The following PEX3 variants were observed in gnomAD, a reference collection of about 807,000 sequenced individuals.
PEX3 encodes peroxisomal biogenesis factor 3, also known as peroxin-3.
Under a neutral mutation model 55.8 loss-of-function variants are expected in PEX3, and 30 were observed. The ratio of observed to expected loss-of-function variants is 0.54; its 90% confidence interval spans 0.40 to 0.73. The LOEUF is 0.73. Ranked by LOEUF, PEX3 falls within the 30% of genes least tolerant of loss-of-function variation. The pLI is 0.00. For synonymous variants in PEX3, 135 were observed against 148.4 expected, an observed-to-expected ratio of 0.91 and a Z score of 0.66; for missense variants, 351 against 432.8, an observed-to-expected ratio of 0.81 and a Z score of 1.68.
chr6:143,457,727 A>G lies in PEX3; in HGVS notation c.74-1358A>G, dbSNP rs754048717. 9.2e-5 allele frequency among the ~76,000 whole-genome samples: 14 copies of G among 152,198 alleles called. 1 individual carries two copies. Among genetic ancestry groups the G allele is most frequent in the African/African-American group, 1.2e-4 (5 of 41,462 alleles). On this transcript the variant is annotated intron_variant, in intron 1 of 11. Transcript: ENST00000367591. The stretch of plus-strand genomic sequence containing the variant: ...GAAACCAAGTTCTGGCACACTTAAA[A>G]ACATCTACTGGCAAACAGAGATTAA...
Position 143,450,972 on chromosome 6 carries a change from G to T in PEX3, c.-71G>T, listed in dbSNP as rs907934388. ...GCTCTTGCTGGGTCATCTGGGCCAG[G>T]TGACGAAGAAACAGTTTCCTGGTGA... On this transcript the variant is annotated 5_prime_UTR_variant, in exon 1 of 12. Transcript: ENST00000367591. 1 of 1,140,966 alleles carries T rather than the reference G, an allele frequency of 8.8e-7. No homozygotes were observed. Among genetic ancestry groups the T allele is most frequent in the African/African-American group, 1.5e-5 (1 of 66,044 alleles). The allele number at this position is 1,140,966 out of a possible 1,614,324, so 70.7% of individuals were successfully genotyped here.
intron 8 of PEX3, 27 bp downstream of exon 8, chr6:143,472,355 A>AG: frequency 2.0e-6 from 3 of 1,515,596 alleles, no homozygotes; most frequent in Non-Finnish European, 2.7e-6. Context: ...CATTTAACCA[A>AG]ACCAGTTACT....
rs1214172993 is a variant in PEX3, at chr6:143,490,427, G to C, written c.*1201G>C. The C allele has an allele frequency of 5.2e-6, 1 of 191,884 alleles. No homozygotes were observed. Among genetic ancestry groups the C allele is most frequent in the Non-Finnish European group, 1.1e-5 (1 of 94,770 alleles). The allele number at this position is 191,884 out of a possible 1,614,324, so 11.9% of individuals were successfully genotyped here. On this transcript the variant is annotated 3_prime_UTR_variant, in exon 12 of 12. Coordinates refer to ENST00000367591, the MANE Select transcript of PEX3 (RefSeq NM_003630.3). This position sits in a 1 kb window ranked among gnomAD's most constrained non-coding sequence, Gnocchi z 6.0. ...TGAAGCTCACTGCCAGGGAGTTTGT[G>C]TCTAGAATGTTTTTAAAAATAGGTA...
chr6:143,471,158 TAACA>T lies in PEX3; in HGVS notation c.456+75_456+78del. ...TCAAAGTTTAACTTATTTATCCTGA[TAACA>T]ATTTCTATGAAATAAATATTTTTAT... On this transcript the variant is annotated intron_variant, in intron 5 of 11. Coordinates refer to ENST00000367591, the MANE Select transcript of PEX3 (RefSeq NM_003630.3). The surrounding 1 kb of genome is among the most constrained non-coding windows in gnomAD (Gnocchi z 5.4). 1 of 1,273,290 alleles carries T rather than the reference TAACA, an allele frequency of 7.9e-7. No homozygotes were observed. Among genetic ancestry groups the T allele is most frequent in the East Asian group, 2.3e-5 (1 of 43,086 alleles). 78.9% of individuals were successfully genotyped at this position (1,273,290 alleles called of 1,614,324 possible). A position where few individuals can be genotyped will look rare whatever the true frequency, so the allele number is the denominator to read the frequency against.
chr6:143,484,497 G>T (rs180724729), intron 10 of PEX3, among the ~76,000 whole-genome samples: 167 of 152,230 alleles, frequency 1.1e-3, no homozygotes, highest in Non-Finnish European at 2.2e-3. Context: ...CATATTTGCT[G>T]CTTCTAGAAC....
chr6:143,470,970 G>A lies in PEX3; in HGVS notation c.341G>A (p.Arg114Lys). ...WEDLKIISFT[R>K]STVAVYSTCM... ...TCTTTTCTCTGTGAAGGTTTCACAAGAAGTACTGTGGCTGTATACAGTACC... is the reference window on the plus strand; with the variant it reads ...TCTTTTCTCTGTGAAGGTTTCACAAAAAGTACTGTGGCTGTATACAGTACC... The change falls in exon 5 of 12, where the codon AGA (arginine) becomes AAA (lysine). Residue 114 changes from arginine (R) to lysine (K), a missense_variant. Arg to Lys is a conservative substitution (Grantham distance 26). Transcript: ENST00000367591. 1 of 1,612,514 alleles carries A rather than the reference G, an allele frequency of 6.2e-7. No individual in the cohort carries two copies. The highest frequency in any genetic ancestry group is 1.1e-5 in the South Asian group (1 of 91,064).
intron 2 of PEX3, among the ~76,000 whole-genome samples, chr6:143,460,466 C>G (rs886460949): frequency 1.3e-5 from 2 of 152,256 alleles, no homozygotes; most frequent in Admixed American, 1.3e-4. Context: ...TAAATGATAA[C>G]TTTTTAAATT....
Position 143,485,042 on chromosome 6 carries a change from A to T in PEX3, c.942-110A>T. On this transcript the variant is annotated intron_variant, in intron 10 of 11. Coordinates refer to ENST00000367591, the MANE Select transcript of PEX3 (RefSeq NM_003630.3). The surrounding 1 kb of genome is among the most constrained non-coding windows in gnomAD (Gnocchi z 5.6). The stretch of plus-strand genomic sequence containing the variant: ...ATTGTGGGGTTTTTTTTCCTTTTTA[A>T]TAGATTTCCAAAAATATTCTACAAT... 2 of 739,876 alleles carry T rather than the reference A, an allele frequency of 2.7e-6. No homozygotes were observed. The highest frequency in any genetic ancestry group is 2.0e-5 in the Admixed American group (1 of 49,658). The allele number at this position is 739,876 out of a possible 1,614,324, so 45.8% of individuals were successfully genotyped here. A position where few individuals can be genotyped will look rare whatever the true frequency, so the allele number is the denominator to read the frequency against.
At chr6:143,461,642 C>T (rs561798490) in intron 2 of PEX3, among the ~76,000 whole-genome samples, 87 of 151,820 alleles carry the variant, frequency 5.7e-4, no homozygotes, top group African/African-American at 2.1e-3. Context: ...AAGAAGTTTT[C>T]CCTTTTAGAA....
Position 143,485,260 on chromosome 6 carries a change from G to A in PEX3, c.1038+12G>A, listed in dbSNP as rs1466413147. 1.3e-5 allele frequency: 19 copies of A among 1,416,974 alleles called. No homozygotes were observed. Among genetic ancestry groups the A allele is most frequent in the Non-Finnish European group, 1.7e-5 (17 of 1,000,392 alleles). 87.8% of individuals were successfully genotyped at this position (1,416,974 alleles called of 1,614,324 possible). ...GTCATTTTGTTCAGGTAAGAAGAAA[G>A]CTTGGGAGTGTTATTAAAAGCAAAT... On this transcript the variant is annotated intron_variant, in intron 11 of 11. Coordinates refer to ENST00000367591, the MANE Select transcript of PEX3 (RefSeq NM_003630.3). The surrounding 1 kb of genome is among the most constrained non-coding windows in gnomAD (Gnocchi z 5.6).
intron 4 of PEX3, among the ~76,000 whole-genome samples, chr6:143,468,809 C>T (rs374031581): frequency 1.9e-4 from 14 of 72,942 alleles, no homozygotes; most frequent in African/African-American, 3.2e-4. Flanking sequence ...TATCCCCCCC[C>T]CCCCCACCCC....
At chr6:143,461,446 G>A (rs972537976) in intron 2 of PEX3, among the ~76,000 whole-genome samples, 26 of 152,130 alleles carry the variant, frequency 1.7e-4, no homozygotes, top group Non-Finnish European at 3.8e-4. Context: ...CAAAATATAG[G>A]TTCAGTGAAA....
In PEX3 at chr6:143,462,372, A is replaced by G. The variant is rs1779930953; in HGVS notation, c.206-544A>G. On this transcript the variant is annotated intron_variant, in intron 2 of 11. Transcript: ENST00000367591. The surrounding 1 kb of genome is among the most constrained non-coding windows in gnomAD (Gnocchi z 4.1). ...ACAGTAACAAATAATACCCACTGAC[A>G]AAACTAAAACTCAGCAACTCTTAGT... Among the ~76,000 whole-genome samples the G allele has an allele frequency of 6.6e-6, 1 of 152,216 alleles. No homozygotes were observed. Among genetic ancestry groups the G allele is most frequent in the South Asian group, 2.1e-4 (1 of 4,832 alleles).
chr6:143,476,870 G>A lies in PEX3; in HGVS notation c.818+2014G>A, dbSNP rs1037458455. On this transcript the variant is annotated intron_variant, in intron 9 of 11. Transcript: ENST00000367591. This position sits in a 1 kb window ranked among gnomAD's most constrained non-coding sequence, Gnocchi z 5.4. Reference sequence around the variant, plus strand: ...TGGGAATAGGAACAGATAGAGACTAGAAGACAACTAAGTCATAGAGCAGTC... The same window carrying A: ...TGGGAATAGGAACAGATAGAGACTAAAAGACAACTAAGTCATAGAGCAGTC... Among the ~76,000 whole-genome samples the A allele has an allele frequency of 2.6e-5, 4 of 152,172 alleles. No individual in the cohort carries two copies. The highest frequency in any genetic ancestry group is 5.9e-5 in the Non-Finnish European group (4 of 68,030).
chr6:143,458,690 A>G lies in PEX3; in HGVS notation c.74-395A>G, dbSNP rs192932486. ...TATCACCTAACAGTATAACATGGAT[A>G]TTTCCTTGAGTCATTATTTAGCAAT... On this transcript the variant is annotated intron_variant, in intron 1 of 11. Coordinates refer to ENST00000367591, the MANE Select transcript of PEX3 (RefSeq NM_003630.3). The surrounding 1 kb of genome is among the most constrained non-coding windows in gnomAD (Gnocchi z 6.1). 3.9e-4 allele frequency among the ~76,000 whole-genome samples: 59 copies of G among 152,292 alleles called. No individual in the cohort carries two copies. Among genetic ancestry groups the G allele is most frequent in the African/African-American group, 1.3e-3 (52 of 41,570 alleles).
intron 4 of PEX3, among the ~76,000 whole-genome samples, chr6:143,470,588 AG>A (rs1384215008): frequency 6.6e-6 from 1 of 152,172 alleles, no homozygotes; most frequent in East Asian, 1.9e-4. Context: ...CTGCCATTGA[AG>A]GCTAGAGTTC....
rs1472621806 is a variant in PEX3 at position 143,459,249 on chromosome 6, G to T, written c.205+33G>T. Reference sequence around the variant, plus strand: ...AGAGAAATATTTATACATGTGTAAAGTTGTTTGACGGTTGTATTAATTTGC... The same window carrying T: ...AGAGAAATATTTATACATGTGTAAATTTGTTTGACGGTTGTATTAATTTGC... On this transcript the variant is annotated intron_variant, in intron 2 of 11. Transcript: ENST00000367591. This position sits in a 1 kb window ranked among gnomAD's most constrained non-coding sequence, Gnocchi z 4.2. 6.3e-7 allele frequency: 1 copy of T among 1,587,302 alleles called. No individual in the cohort carries two copies. Among genetic ancestry groups the T allele is most frequent in the Middle Eastern group, 1.7e-4 (1 of 6,002 alleles).
At chr6:143,469,817 A>G (rs1405558145) in intron 4 of PEX3, among the ~76,000 whole-genome samples, 2 of 152,182 alleles carry the variant, frequency 1.3e-5, no homozygotes, top group African/African-American at 2.4e-5. Context: ...TAGGTCTAAC[A>G]TTTAAGTCTT....
intron 9 of PEX3, 81 bp downstream of exon 9, chr6:143,474,937 A>C: frequency 1.3e-6 from 1 of 789,290 alleles, no homozygotes; most frequent in Non-Finnish European, 2.3e-6. Flanking sequence ...TTCTTGAACA[A>C]CATGGTCGGT....
Sources: allele counts gnomAD v4.1 joint callset (sites outside exome capture counted in the v4.1 genomes callset), GRCh38; gene constraint gnomAD v4.1.1; non-coding constraint Gnocchi (gnomAD v3.1); transcripts MANE v1.5; gene names NCBI Gene and HGNC (gene_info 2026-07-23, HGNC 2026-07-21).